CNTN6: variants seen among roughly 807,000 people sequenced by gnomAD.
CNTN6 encodes the protein contactin 6, also known as contactin-6.
A neutral mutation model predicts 122.8 loss-of-function variants in CNTN6; 137 were observed. The ratio of observed to expected loss-of-function variants is 1.12; its 90% CI spans 0.97 to 1.29. The LOEUF (loss-of-function observed/expected upper bound fraction) is 1.29. Ranked by LOEUF, CNTN6 falls within the 50% of genes most tolerant of loss-of-function variation. The pLI is 0.00. For synonymous variants in CNTN6, 570 were observed against 426.0 expected (o/e 1.34, Z -4.16); for missense variants, 1,634 against 1,223.4 (o/e 1.34, Z -5.01).
In CNTN6 at chr3:1,360,059, C is replaced by T. The variant is rs150183766; in HGVS notation, c.1492+7608C>T. Among the ~76,000 whole-genome samples, 392 of 152,144 alleles carry T rather than the reference C, an allele frequency of 2.6e-3. 1 individual carries two copies. Among genetic ancestry groups the T allele is most frequent in the African/African-American group, 8.7e-3 (361 of 41,548 alleles). On this transcript the variant is annotated intron_variant, in intron 12 of 22. Coordinates refer to ENST00000446702, the MANE Select transcript of CNTN6 (RefSeq NM_001289080.2). ...CTTCACTTTGGTTGATTAAACCTTCCAGTGGATTTTTGAGAAATAATCCAA... is the reference window on the plus strand; with the variant it reads ...CTTCACTTTGGTTGATTAAACCTTCTAGTGGATTTTTGAGAAATAATCCAA...
chr3:1,321,568 T>C (rs1700845218), intron 7 of CNTN6, 82 bp from the exon 8 acceptor site: 2 of 1,241,542 alleles, frequency 1.6e-6, no homozygotes, highest in African/African-American at 1.5e-5. Flanking sequence ...TTCTTGAGAG[T>C]TATTTGTATG....
intron 1 of CNTN6, among the ~76,000 whole-genome samples, chr3:1,145,557 C>CT (rs1196547306): frequency 1.3e-5 from 2 of 152,040 alleles, no homozygotes; most frequent in Non-Finnish European, 2.9e-5. Flanking sequence ...TAAGCTGAGG[C>CT]TTTTTTGAGA....
intron 1 of CNTN6, among the ~76,000 whole-genome samples, chr3:1,094,858 G>C (rs1026890388): frequency 2.0e-5 from 3 of 151,754 alleles, no homozygotes; most frequent in Non-Finnish European, 2.9e-5. Context: ...CAAAATATTT[G>C]CTTATTTATT....
At chr3:1,149,962 G>C (rs2092803526) in intron 2 of CNTN6, among the ~76,000 whole-genome samples, 1 of 151,870 alleles carries the variant, frequency 6.6e-6, no homozygotes, top group Admixed American at 6.6e-5. Context: ...ATACAAACTG[G>C]ATGTGATTCA....
At chr3:1,173,621 A>AT (rs527495298) in intron 2 of CNTN6, among the ~76,000 whole-genome samples, 2 of 152,090 alleles carry the variant, frequency 1.3e-5, no homozygotes, top group East Asian at 3.9e-4. Context: ...TGTTGAGATT[A>AT]TTTTTTTACT....
intron 2 of CNTN6, among the ~76,000 whole-genome samples, chr3:1,186,814 T>C (rs1361951601): frequency 2.0e-5 from 3 of 151,764 alleles, no homozygotes. Context: ...TCTTTTTATT[T>C]TTTTCTTTTT....
chr3:1,285,666 A>T (rs1017757365), intron 5 of CNTN6, among the ~76,000 whole-genome samples: 1 of 152,208 alleles, frequency 6.6e-6, no homozygotes, highest in African/African-American at 2.4e-5. Flanking sequence ...TTAGCTAACA[A>T]CTATAGTTAA....
chr3:1,167,324 A>C (rs916159321), intron 2 of CNTN6, among the ~76,000 whole-genome samples: 2 of 151,876 alleles, frequency 1.3e-5, no homozygotes, highest in Non-Finnish European at 2.9e-5. Flanking sequence ...TTCTTGTACT[A>C]GAGATCTTTA....
At position 1,324,879 on chromosome 3, in the gene CNTN6, G is replaced by A. The variant is rs544351427; in HGVS notation, c.947-936G>A. ...TGAACAGGTTACCTAACATCGCTGC[G>A]AGAATCCACTGAAAGATTGTAGAGG... On this transcript the variant is annotated intron_variant, in intron 8 of 22. Transcript: ENST00000446702. Among the ~76,000 whole-genome samples the A allele has an allele frequency of 1.5e-3, 225 of 149,506 alleles. 28 individuals are homozygous for A. Among genetic ancestry groups the A allele is most frequent in the African/African-American group, 5.5e-3 (216 of 39,230 alleles).
intron 9 of CNTN6, among the ~76,000 whole-genome samples, chr3:1,326,929 C>T (rs1229650864): frequency 6.6e-6 from 1 of 151,810 alleles, no homozygotes; most frequent in Non-Finnish European, 1.5e-5. Context: ...TTCTATACCC[C>T]ACATGGGGTT....
intron 11 of CNTN6, among the ~76,000 whole-genome samples, chr3:1,344,043 T>A (rs1704283464): frequency 6.6e-6 from 1 of 152,182 alleles, no homozygotes; most frequent in Non-Finnish European, 1.5e-5. Flanking sequence ...TGACTCCGTA[T>A]CAGAAGACCT....
intron 5 of CNTN6, among the ~76,000 whole-genome samples, chr3:1,278,934 TAATA>T (rs1316817457): frequency 6.6e-6 from 1 of 152,244 alleles, no homozygotes; most frequent in African/African-American, 2.4e-5. Flanking sequence ...TTAAATGAGC[TAATA>T]AATGTAAATT....
At chr3:1,382,463 A>G (rs1692045388) in intron 17 of CNTN6, among the ~76,000 whole-genome samples, 2 of 152,220 alleles carry the variant, frequency 1.3e-5, no homozygotes, top group Non-Finnish European at 2.9e-5. Context: ...ACTTTTTTAA[A>G]GAAATATTCT....
At chr3:1,192,693 G>C (rs940954457) in intron 2 of CNTN6, among the ~76,000 whole-genome samples, 1 of 151,884 alleles carries the variant, frequency 6.6e-6, no homozygotes, top group African/African-American at 2.4e-5. Context: ...AGATAGCAAT[G>C]ACAACCACAC....
At chr3:1,277,746 T>C (rs1405290195) in intron 4 of CNTN6, among the ~76,000 whole-genome samples, 2 of 152,144 alleles carry the variant, frequency 1.3e-5, no homozygotes, top group African/African-American at 4.8e-5. Flanking sequence ...AGTTAAACAA[T>C]TTAGGAGAAT....
chr3:1,311,413 GTCTT>G (rs1206455171), intron 7 of CNTN6, among the ~76,000 whole-genome samples: 135 of 72,864 alleles, frequency 1.9e-3, no homozygotes, highest in Non-Finnish European at 2.6e-3. Flanking sequence ...CATATAAAAT[GTCTT>G]TATATGTACA....
chr3:1,257,356 T>C (rs2094776327), intron 4 of CNTN6, among the ~76,000 whole-genome samples: 1 of 152,184 alleles, frequency 6.6e-6, no homozygotes, highest in Non-Finnish European at 1.5e-5. Context: ...AATTGTTTTG[T>C]AATTCAATTT....
At chr3:1,344,946 T>C (rs1459887969) in intron 11 of CNTN6, among the ~76,000 whole-genome samples, 1 of 152,096 alleles carries the variant, frequency 6.6e-6, no homozygotes, top group African/African-American at 2.4e-5. Flanking sequence ...CTTGAGACAG[T>C]ACTTCATTTT....
chr3:1,353,953 A>G (rs1367150485), intron 12 of CNTN6, among the ~76,000 whole-genome samples: 1 of 151,472 alleles, frequency 6.6e-6, no homozygotes, highest in Non-Finnish European at 1.5e-5. Flanking sequence ...AGGAGGGCCA[A>G]TGGTTTTGCT....
Sources: allele counts gnomAD v4.1 joint callset (sites outside exome capture counted in the v4.1 genomes callset), GRCh38; gene constraint gnomAD v4.1.1; transcripts MANE v1.5; gene names NCBI Gene and HGNC (gene_info 2026-07-23, HGNC 2026-07-21).